The following CHST9 variants were observed in gnomAD, a reference collection of about 807,000 sequenced individuals.
CHST9 encodes carbohydrate sulfotransferase 9, also known as GalNAc-4-sulfotransferase 2.
Under a neutral mutation model 44.4 loss-of-function variants are expected in CHST9, and 41 were observed. That is an observed-to-expected ratio of 0.92 (90% CI 0.72 to 1.20). The LOEUF (loss-of-function observed/expected upper bound fraction) is 1.20. Ranked by LOEUF, CHST9 falls within the 50% of genes most tolerant of loss-of-function variation. The pLI is 0.00. For missense variants in CHST9, 504 were observed against 516.5 expected, an observed-to-expected ratio of 0.98 and a Z score of 0.23; for synonymous variants, 171 against 178.4, an observed-to-expected ratio of 0.96 and a Z score of 0.33.
At chr18:27,032,734 G>A (rs1399411666) in intron 3 of CHST9, among the ~76,000 whole-genome samples, 1 of 152,212 alleles carries the variant, frequency 6.6e-6, no homozygotes, top group Non-Finnish European at 1.5e-5. Flanking sequence ...GGGCTTGGCA[G>A]ATATTATCTC....
In CHST9 at chr18:27,113,956, C is replaced by A. The variant is rs937945713; in HGVS notation, c.121+28733G>T. Among the ~76,000 whole-genome samples the A allele has an allele frequency of 3.3e-5, 5 of 152,148 alleles. No homozygotes were observed. In the South Asian group the frequency reaches 8.3e-4, roughly 25 times the overall value. ...CAAGTCTTAATTAGATTATACACAGCTCTGCATGAAAATTTAAATGTTAGG... is the reference window on the plus strand; with the variant it reads ...CAAGTCTTAATTAGATTATACACAGATCTGCATGAAAATTTAAATGTTAGG... On this transcript the variant is annotated intron_variant, in intron 2 of 5. Coordinates refer to ENST00000618847, the MANE Select transcript of CHST9 (RefSeq NM_031422.6).
chr18:27,154,805 G>C (rs1041114030), intron 1 of CHST9, among the ~76,000 whole-genome samples: 1 of 151,830 alleles, frequency 6.6e-6, no homozygotes, highest in Non-Finnish European at 1.5e-5. Flanking sequence ...CTATGTGGTC[G>C]GGTGTGGTGG....
In CHST9 at chr18:27,142,841, G is replaced by A; in HGVS notation, c.-32C>T. ...TTATTTCAGAATCTGAAGACCACAT[G>A]ATTTGTTTTCCCGTAAAACTTCAGT... On this transcript the variant is annotated 5_prime_UTR_variant, in exon 2 of 6. Coordinates refer to ENST00000618847, the MANE Select transcript of CHST9 (RefSeq NM_031422.6). 2 of 1,565,302 alleles carry A rather than the reference G, an allele frequency of 1.3e-6. No homozygotes were observed. The highest frequency in any genetic ancestry group is 8.6e-7 in the Non-Finnish European group (1 of 1,158,398).
intron 4 of CHST9, among the ~76,000 whole-genome samples, chr18:26,969,372 C>CTGTGTGTGTGTG (rs1371549809): frequency 1.2e-4 from 15 of 122,112 alleles, no homozygotes; most frequent in African/African-American, 2.8e-4. Context: ...CTCTCTCTCT[C>CTGTGTGTGTGTG]TCTCTGTGTG....
chr18:26,990,293 A>G (rs2056801171), intron 4 of CHST9, among the ~76,000 whole-genome samples: 1 of 152,304 alleles, frequency 6.6e-6, no homozygotes, highest in East Asian at 1.9e-4. Flanking sequence ...TTGTATATTA[A>G]TTATACTTCA....
chr18:27,159,053 G>A (rs1374232369), intron 1 of CHST9, among the ~76,000 whole-genome samples: 1 of 152,112 alleles, frequency 6.6e-6, no homozygotes, highest in Non-Finnish European at 1.5e-5. Context: ...CTCCCATTTT[G>A]TAGGTTGCCT....
intron 2 of CHST9, among the ~76,000 whole-genome samples, chr18:27,107,949 C>A (rs562431345): frequency 6.6e-6 from 1 of 152,276 alleles, no homozygotes; most frequent in South Asian, 2.1e-4. Flanking sequence ...AATCTCACGT[C>A]CACGTTATTA....
At chr18:27,110,295 AT>A (rs942361800) in intron 2 of CHST9, among the ~76,000 whole-genome samples, 30 of 149,198 alleles carry the variant, frequency 2.0e-4, no homozygotes, top group African/African-American at 4.4e-4. Flanking sequence ...GCATGTGATG[AT>A]TTTTTTTTTC....
intron 3 of CHST9, among the ~76,000 whole-genome samples, chr18:27,046,598 G>C (rs1039753065): frequency 6.6e-6 from 1 of 151,906 alleles, no homozygotes; most frequent in African/African-American, 2.4e-5. Context: ...GATGTTTTTG[G>C]TATCTTAGCC....
chr18:26,967,202 G>A (rs779044928), intron 4 of CHST9, among the ~76,000 whole-genome samples: 1 of 152,106 alleles, frequency 6.6e-6, no homozygotes, highest in Non-Finnish European at 1.5e-5. Context: ...GTCTTTAAAA[G>A]CAAGAAGACA....
chr18:26,992,615 T>C (rs898703964), intron 4 of CHST9, among the ~76,000 whole-genome samples: 1 of 152,066 alleles, frequency 6.6e-6, no homozygotes, highest in Non-Finnish European at 1.5e-5. Context: ...GCTTTGAAAT[T>C]CTTTCTTTTT....
chr18:27,135,314 T>C (rs1182131873), intron 2 of CHST9, among the ~76,000 whole-genome samples: 1 of 152,204 alleles, frequency 6.6e-6, no homozygotes, highest in African/African-American at 2.4e-5. Context: ...ATTCCTTGGC[T>C]GGGTCAGCTG....
chr18:26,973,500 G>C (rs780646341), intron 4 of CHST9, among the ~76,000 whole-genome samples: 4 of 152,238 alleles, frequency 2.6e-5, no homozygotes, highest in Non-Finnish European at 5.9e-5. Flanking sequence ...CCAACCTGCG[G>C]CCTGCAGGCG....
At chr18:26,962,111 G>C (rs563648846) in intron 4 of CHST9, among the ~76,000 whole-genome samples, 1 of 152,086 alleles carries the variant, frequency 6.6e-6, no homozygotes, top group East Asian at 1.9e-4. Flanking sequence ...CTGCCAAAAG[G>C]CTCCAGCTTT....
chr18:26,921,556 C>A (rs2055654573), intron 5 of CHST9, among the ~76,000 whole-genome samples: 1 of 152,092 alleles, frequency 6.6e-6, no homozygotes, highest in Non-Finnish European at 1.5e-5. Context: ...CCCTCCCAGC[C>A]CCCATCTAAC....
intron 3 of CHST9, among the ~76,000 whole-genome samples, chr18:27,037,069 T>C (rs931588738): frequency 1.3e-5 from 2 of 152,196 alleles, no homozygotes; most frequent in African/African-American, 4.8e-5. Context: ...AGGTCCTTCA[T>C]CAATGAGTAT....
intron 4 of CHST9, among the ~76,000 whole-genome samples, chr18:27,018,511 T>C (rs1435346133): frequency 6.6e-6 from 1 of 152,188 alleles, no homozygotes; most frequent in African/African-American, 2.4e-5. Flanking sequence ...CCCCAGTGTG[T>C]GCAGAAGGTA....
At chr18:26,926,249 T>C (rs142460661) in intron 5 of CHST9, among the ~76,000 whole-genome samples, 1,671 of 152,316 alleles carry the variant, frequency 0.011, 26 homozygotes, top group African/African-American at 0.03. Context: ...CTAATTTCTA[T>C]GGTCCTCTTG....
intron 2 of CHST9, among the ~76,000 whole-genome samples, chr18:27,124,615 C>T (rs988442084): frequency 6.6e-6 from 1 of 152,230 alleles, no homozygotes; most frequent in East Asian, 1.9e-4. Flanking sequence ...CAAACCTCTT[C>T]CAAAACTACA....
Sources: allele counts gnomAD v4.1 joint callset (sites outside exome capture counted in the v4.1 genomes callset), GRCh38; gene constraint gnomAD v4.1.1; transcripts MANE v1.5; gene names NCBI Gene and HGNC (gene_info 2026-07-23, HGNC 2026-07-21).